Variants in MZT2B observed in about 807,000 individuals in gnomAD.
MZT2B encodes the protein mitotic spindle organizing protein 2B.
A neutral mutation model predicts 12.1 loss-of-function variants in MZT2B; 11 were observed. The observed-to-expected ratio is 0.91, with a 90% CI of 0.57 to 1.50. MZT2B has a LOEUF of 1.50. Ranked by LOEUF, MZT2B falls within the 40% of genes most tolerant of loss-of-function variation. The pLI is 0.00. For synonymous variants in MZT2B, 85 were observed against 109.5 expected (o/e 0.78, Z 1.40); for missense variants, 209 against 227.7 (o/e 0.92, Z 0.53).
the MZT2B span, among the ~76,000 whole-genome samples, chr2:130,197,329 A>G: frequency 6.8e-6 from 1 of 147,106 alleles, no homozygotes; most frequent in Admixed American, 7.0e-5. Flanking sequence ...CCTATGAAAA[A>G]TTTACAAATT....
At chr2:130,183,801 T>C in intron 2 of MZT2B, 1 of 1,550,730 alleles carries the variant, frequency 6.4e-7, no homozygotes, top group Non-Finnish European at 8.7e-7. Context: ...CTCCTTTCTC[T>C]CTGCCAGGAA....
chr2:130,192,405 A>T (rs1690286567), downstream of MZT2B, among the ~76,000 whole-genome samples: 1 of 152,184 alleles, frequency 6.6e-6, no homozygotes, highest in Non-Finnish European at 1.5e-5. Flanking sequence ...CCAGGTGAAG[A>T]CAGTCTTCCC....
chr2:130,194,945 T>G, downstream of MZT2B: 3 of 1,502,004 alleles, frequency 2.0e-6, no homozygotes, highest in South Asian at 2.6e-5. Context: ...CTCAAAGTGC[T>G]GGGATTACAC....
At chr2:130,181,711 G>T (rs1379533162), upstream of MZT2B, 5 of 1,548,376 alleles carry the variant, frequency 3.2e-6, no homozygotes, top group South Asian at 6.0e-5. Context: ...GCCGGGCGGG[G>T]AAGAGAAATG....
intron 1 of MZT2B, 40 bp downstream of exon 1, chr2:130,182,492 CCCCCG>C: frequency 6.5e-7 from 1 of 1,540,864 alleles, no homozygotes; most frequent in Non-Finnish European, 8.8e-7. Flanking sequence ...AGCCAGACAC[CCCCCG>C]ACCTCTGCTT....
chr2:130,182,184 G>A, upstream of MZT2B: 2 of 1,258,572 alleles, frequency 1.6e-6, no homozygotes, highest in Non-Finnish European at 2.0e-6. Context: ...CGCCAGGGCA[G>A]CCCGGGAGGC....
At chr2:130,199,457 G>A in the MZT2B span, among the ~76,000 whole-genome samples, 1 of 122,318 alleles carries the variant, frequency 8.2e-6, no homozygotes, top group South Asian at 2.8e-4. Flanking sequence ...GGCTGAGGCA[G>A]GAGAATCCCT....
chr2:130,182,257 A>G (rs543028546), upstream of MZT2B: 205 of 1,283,796 alleles, frequency 1.6e-4, no homozygotes, highest in Middle Eastern at 9.0e-4. Flanking sequence ...GGCGGGGCGG[A>G]GCGCACCTTT....
At chr2:130,183,770 C>G in intron 2 of MZT2B, 1 of 1,550,580 alleles carries the variant, frequency 6.4e-7, no homozygotes, top group South Asian at 1.2e-5. Context: ...CTCTTTGTGT[C>G]TCTCTCTGAC....
chr2:130,188,602 G>A (rs1369233958), intron 2 of MZT2B, among the ~76,000 whole-genome samples: 6 of 152,164 alleles, frequency 3.9e-5, no homozygotes, highest in Non-Finnish European at 7.3e-5. Context: ...TCTTTGTTGA[G>A]TCAAGTGTGA....
downstream of MZT2B, chr2:130,195,046 A>T: frequency 6.2e-7 from 1 of 1,610,464 alleles, no homozygotes; most frequent in Non-Finnish European, 8.5e-7. Context: ...CTCCCATGCA[A>T]GACAATGGCC....
At chr2:130,196,383 A>G in the MZT2B span, 11 of 1,610,048 alleles carry the variant, frequency 6.8e-6, no homozygotes, top group Middle Eastern at 5.0e-4. Flanking sequence ...TGTGAACCGG[A>G]ACATAAATGT....
chr2:130,199,422 C>T, the MZT2B span, among the ~76,000 whole-genome samples: 2 of 120,968 alleles, frequency 1.7e-5, 1 homozygote, highest in Non-Finnish European at 3.6e-5. Context: ...TGGTGGCATG[C>T]GCCTGTAATC....
At chr2:130,194,667 T>C (rs974059499), downstream of MZT2B, among the ~76,000 whole-genome samples, 1 of 152,200 alleles carries the variant, frequency 6.6e-6, no homozygotes, top group Non-Finnish European at 1.5e-5. Flanking sequence ...GGACTCAAGA[T>C]GCTGGTCTAA....
downstream of MZT2B, chr2:130,191,627 CCTG>C (rs1250517382): frequency 2.5e-6 from 2 of 799,700 alleles, no homozygotes; most frequent in Non-Finnish European, 3.9e-6. Context: ...TATGTACAGT[CCTG>C]CTGCACCCAA....
the MZT2B span, among the ~76,000 whole-genome samples, chr2:130,201,708 C>T: frequency 3.9e-5 from 6 of 152,182 alleles, no homozygotes; most frequent in South Asian, 1.0e-3. Context: ...CATCCTTCAG[C>T]GGCTGGGATA....
At chr2:130,181,982 G>C (rs1479297258), upstream of MZT2B, 4 of 1,387,990 alleles carry the variant, frequency 2.9e-6, no homozygotes, top group Admixed American at 7.2e-5. Context: ...ACTGGGCTGG[G>C]TGCTGCCACC....
chr2:130,181,744 G>C (rs1456294986), upstream of MZT2B: 2 of 1,548,404 alleles, frequency 1.3e-6, no homozygotes, highest in Non-Finnish European at 1.7e-6. Flanking sequence ...TGCGGGGGAG[G>C]GAGTGGTCCT....
intron 2 of MZT2B, chr2:130,184,335 C>T (rs1050171304): frequency 5.1e-6 from 5 of 985,344 alleles, no homozygotes; most frequent in Admixed American, 6.1e-5. Flanking sequence ...AGAAGTTGTC[C>T]CTTATCTGGA....
Sources: gnomAD v4.1 joint callset for allele counts (sites outside exome capture counted in the v4.1 genomes callset) on GRCh38, gnomAD v4.1.1 for gene constraint, MANE v1.5 for transcripts, NCBI Gene and HGNC (gene_info 2026-07-23, HGNC 2026-07-21) for gene names.